EXD3: variants seen among roughly 807,000 people sequenced by gnomAD.
EXD3 encodes exonuclease mut-7 homolog.
A neutral mutation model predicts 98.0 loss-of-function variants in EXD3; 92 were observed. That is an observed-to-expected ratio of 0.94 (90% CI 0.79 to 1.12). The LOEUF is 1.12. Ranked by LOEUF, EXD3 falls within the 50% of genes most tolerant of loss-of-function variation. The pLI, the probability that EXD3 is intolerant of heterozygous loss-of-function variation, is 0.00. For synonymous variants in EXD3, 569 were observed against 526.0 expected (o/e 1.08, Z -1.12); for missense variants, 1,222 against 1,191.6 (o/e 1.03, Z -0.38).
chr9:137,318,193 T>C (rs1831803801), intron 19 of EXD3, among the ~76,000 whole-genome samples: 1 of 152,080 alleles, frequency 6.6e-6, no homozygotes, highest in Admixed American at 6.5e-5. Flanking sequence ...TGGAGCCCAC[T>C]CTGTCCCCTC....
intron 8 of EXD3, among the ~76,000 whole-genome samples, chr9:137,355,592 G>GGGAGGAA (rs1834671038): frequency 2.0e-4 from 1 of 5,100 alleles, no homozygotes; most frequent in Non-Finnish European, 3.0e-4. Flanking sequence ...GAAGGAGAAA[G>GGGAGGAA]GGCGGAAGGA....
At chr9:137,319,065 G>A (rs1831880315) in intron 19 of EXD3, among the ~76,000 whole-genome samples, 1 of 152,248 alleles carries the variant, frequency 6.6e-6, no homozygotes, top group African/African-American at 2.4e-5. Context: ...CCAGGGAGGT[G>A]GTCAGCTCTG....
intron 3 of EXD3, chr9:137,374,741 C>T: frequency 1.0e-6 from 1 of 985,464 alleles, no homozygotes; most frequent in Non-Finnish European, 1.2e-6. Flanking sequence ...GGGTGAAAGG[C>T]AGCTTCTCTG....
At chr9:137,318,346 T>C (rs1472230880) in intron 19 of EXD3, among the ~76,000 whole-genome samples, 1 of 151,888 alleles carries the variant, frequency 6.6e-6, no homozygotes, top group Non-Finnish European at 1.5e-5. Flanking sequence ...CCCCCCATAA[T>C]GGCCAGCTCT....
intron 7 of EXD3, chr9:137,365,872 C>T: frequency 2.7e-6 from 1 of 372,924 alleles, no homozygotes; most frequent in East Asian, 7.0e-5. Flanking sequence ...CACAGATATA[C>T]ATGCACACAC....
At chr9:137,330,301 T>C (rs1832964568) in intron 17 of EXD3, among the ~76,000 whole-genome samples, 1 of 103,730 alleles carries the variant, frequency 9.6e-6, no homozygotes, top group African/African-American at 4.2e-5. Flanking sequence ...ACACAGGAGC[T>C]ACACAGGAAC....
chr9:137,353,980 G>C (rs930275004), intron 10 of EXD3: 1 of 1,102,162 alleles, frequency 9.1e-7, no homozygotes, highest in Non-Finnish European at 1.1e-6. Context: ...GGGCTGGGGG[G>C]GCCTGGCCTT....
intron 11 of EXD3, 78 bp downstream of exon 11, chr9:137,352,542 G>A (rs954590982): frequency 6.7e-6 from 9 of 1,337,274 alleles, no homozygotes; most frequent in Non-Finnish European, 8.0e-6. Context: ...CGTGAAGACT[G>A]GTGAGCTGTC....
In EXD3 at chr9:137,364,494, T is replaced by G. The variant is rs945575766; in HGVS notation, c.656+1999A>C. ...AAAATTAGCTGGGTGTGTTGGTGCATGCCTGTAATCCCAGTTACTTGGGAG... is the reference window on the plus strand; with the variant it reads ...AAAATTAGCTGGGTGTGTTGGTGCAGGCCTGTAATCCCAGTTACTTGGGAG... On this transcript the variant is annotated intron_variant, in intron 7 of 21. Transcript: ENST00000340951. 2.0e-5 allele frequency among the ~76,000 whole-genome samples: 3 copies of G among 151,776 alleles called. No homozygotes were observed. In the South Asian group the frequency reaches 6.2e-4, roughly 32 times the overall value.
At chr9:137,323,689 G>A (rs1487096743) in intron 19 of EXD3, 36 bp downstream of exon 19, 3 of 1,603,546 alleles carry the variant, frequency 1.9e-6, no homozygotes. Context: ...CAGATCTTGT[G>A]CCAGCCCCAG....
intron 1 of EXD3, among the ~76,000 whole-genome samples, chr9:137,414,073 C>T (rs534223208): frequency 7.2e-5 from 11 of 152,098 alleles, no homozygotes; most frequent in African/African-American, 1.9e-4. Flanking sequence ...TCCGCCACCA[C>T]GCCCGGCTAA....
rs373366367 is a variant in EXD3, at chr9:137,413,301, C to T, written c.-48+9813G>A. 2.3e-4 allele frequency among the ~76,000 whole-genome samples: 35 copies of T among 151,808 alleles called. No homozygotes were observed. The South Asian group carries it at 4.6e-3, about 20-fold the overall frequency. On this transcript the variant is annotated intron_variant, in intron 1 of 21. Transcript: ENST00000340951. Reference sequence around the variant, plus strand: ...CTGCAAGCTCCGCCTCCCGGGTTCACGCCATTCTCCTGCCTCAGCCTCCCG... The same window carrying T: ...CTGCAAGCTCCGCCTCCCGGGTTCATGCCATTCTCCTGCCTCAGCCTCCCG...
intron 1 of EXD3, among the ~76,000 whole-genome samples, chr9:137,400,969 G>A (rs1273571075): frequency 6.6e-6 from 1 of 152,030 alleles, no homozygotes; most frequent in African/African-American, 2.4e-5. Context: ...GACTCTGCAT[G>A]GTACAGCCTC....
chr9:137,391,829 T>G (rs927861793), intron 2 of EXD3: 2 of 152,230 alleles, frequency 1.3e-5, no homozygotes, highest in African/African-American at 4.8e-5. Context: ...TTTTTTATTT[T>G]TTTTGAGATG....
At chr9:137,333,113 C>T (rs528575625) in intron 17 of EXD3, among the ~76,000 whole-genome samples, 28 of 152,254 alleles carry the variant, frequency 1.8e-4, no homozygotes, top group African/African-American at 6.0e-4. Flanking sequence ...CTGAGGCTTC[C>T]GGCCCCATCT....
rs1421049098 is a variant in EXD3, at chr9:137,324,081, G to A, written c.2052+9C>T. 1 of 1,583,366 alleles carries A rather than the reference G, an allele frequency of 6.3e-7. No individual in the cohort carries two copies. The highest frequency in any genetic ancestry group is 8.6e-7 in the Non-Finnish European group (1 of 1,165,618). ...TCAGGCCCACTGAGCTTATCTTTGG[G>A]ACACTCACCTTGTGGAATGGCTGCC... On this transcript the variant is annotated intron_variant, in intron 18 of 21. Transcript: ENST00000340951. This position sits in a 1 kb window ranked among gnomAD's most constrained non-coding sequence, Gnocchi z 4.1.
chr9:137,344,093 G>A (rs997009553), intron 17 of EXD3, among the ~76,000 whole-genome samples: 6 of 150,830 alleles, frequency 4.0e-5, no homozygotes, highest in East Asian at 1.9e-4. Context: ...GGGTTTCACC[G>A]TGTTAGCCAG....
intron 1 of EXD3, among the ~76,000 whole-genome samples, chr9:137,415,590 C>T (rs556074503): frequency 2.6e-5 from 4 of 152,320 alleles, no homozygotes; most frequent in Admixed American, 6.5e-5. Flanking sequence ...CAGCTCACTG[C>T]CCACAACACA....
chr9:137,370,014 T>C (rs1835509430), intron 5 of EXD3, among the ~76,000 whole-genome samples: 1 of 152,126 alleles, frequency 6.6e-6, no homozygotes, highest in African/African-American at 2.4e-5. Flanking sequence ...GGGGGCTCTG[T>C]GGCCTCGCAG....
Sources: allele counts gnomAD v4.1 joint callset (sites outside exome capture counted in the v4.1 genomes callset), GRCh38; gene constraint gnomAD v4.1.1; non-coding constraint Gnocchi (gnomAD v3.1); transcripts MANE v1.5; gene names NCBI Gene and HGNC (gene_info 2026-07-23, HGNC 2026-07-21).